The following TANGO6 variants were observed in gnomAD, a reference collection of about 807,000 sequenced individuals.
The protein encoded by TANGO6 is transport and golgi organization 6 homolog, also known as transport and Golgi organization protein 6 homolog.
In TANGO6, 90 loss-of-function variants were observed where a neutral mutation model predicts 114.2. The observed-to-expected ratio is 0.79, with a 90% CI of 0.66 to 0.94. The LOEUF is 0.94. Ranked by LOEUF, TANGO6 falls within the 40% of genes least tolerant of loss-of-function variation. The pLI, the probability that TANGO6 is intolerant of heterozygous loss-of-function variation, is 0.00. For synonymous variants in TANGO6, 477 were observed against 509.8 expected (o/e 0.94, Z 0.87); for missense variants, 1,274 against 1,315.3 (o/e 0.97, Z 0.49).
At chr16:68,896,623 G>T (rs949469209) in intron 7 of TANGO6, among the ~76,000 whole-genome samples, 2 of 152,092 alleles carry the variant, frequency 1.3e-5, no homozygotes, top group African/African-American at 4.8e-5. Flanking sequence ...ACTTGTAAAG[G>T]TTACATGTAC....
chr16:68,956,724 G>A (rs1963533094), intron 14 of TANGO6, among the ~76,000 whole-genome samples: 1 of 151,908 alleles, frequency 6.6e-6, no homozygotes, highest in African/African-American at 2.4e-5. Flanking sequence ...ATGGTGGCAG[G>A]CACCTGTAAT....
chr16:69,015,788 C>T (rs896743591), intron 15 of TANGO6, among the ~76,000 whole-genome samples: 2 of 152,050 alleles, frequency 1.3e-5, no homozygotes, highest in Non-Finnish European at 2.9e-5. Flanking sequence ...CCAATGGATG[C>T]TCATTTTCAA....
chr16:68,918,374 C>T (rs1323511937), intron 11 of TANGO6, among the ~76,000 whole-genome samples: 2 of 152,170 alleles, frequency 1.3e-5, no homozygotes, highest in African/African-American at 4.8e-5. Flanking sequence ...TGAAGTCCAG[C>T]TTATCATTAC....
At chr16:68,903,537 T>A (rs1240524232) in intron 9 of TANGO6, among the ~76,000 whole-genome samples, 2 of 144,112 alleles carry the variant, frequency 1.4e-5, no homozygotes, top group Admixed American at 7.3e-5. Context: ...AAGAATTGCT[T>A]GAATCAGGAG....
chr16:68,908,412 C>T (rs768839516), intron 10 of TANGO6, among the ~76,000 whole-genome samples: 3 of 152,146 alleles, frequency 2.0e-5, no homozygotes, highest in African/African-American at 4.8e-5. Flanking sequence ...AGGTGGCTCA[C>T]GCCTGTAATC....
At position 68,919,238 on chromosome 16, in the gene TANGO6, G is replaced by A; in HGVS notation, c.2127+19G>A. ...TGTTCAGGTGAGTTGTAGACATGAG[G>A]CAAGCTTGAATGGAGGGAAGGGAGA... On this transcript the variant is annotated intron_variant, in intron 12 of 17. Coordinates refer to ENST00000261778, the MANE Select transcript of TANGO6 (RefSeq NM_024562.2). 1 of 1,609,934 alleles carries A rather than the reference G, an allele frequency of 6.2e-7. No homozygotes were observed. The highest frequency in any genetic ancestry group is 8.5e-7 in the Non-Finnish European group (1 of 1,178,310).
At chr16:68,969,137 A>G (rs1014902593) in intron 14 of TANGO6, among the ~76,000 whole-genome samples, 2 of 152,166 alleles carry the variant, frequency 1.3e-5, no homozygotes, top group African/African-American at 4.8e-5. Context: ...TCCTACGGTC[A>G]GAGCAGAAAG....
Position 68,843,547 on chromosome 16 carries a change from C to A in TANGO6, c.-71C>A. On this transcript the variant is annotated 5_prime_UTR_variant, in exon 1 of 18. Transcript: ENST00000261778. ...AGTGTGCCCAGAGCCTTCTGCCACA[C>A]TTAACATGGCGGCGGCGGCGCCCTG... is the stretch of plus-strand genomic sequence containing the variant. The A allele has an allele frequency of 6.7e-7, 1 of 1,489,704 alleles. No individual in the cohort carries two copies. Among genetic ancestry groups the A allele is most frequent in the East Asian group, 2.3e-5 (1 of 43,774 alleles). 92.3% of individuals were successfully genotyped at this position (1,489,704 alleles called of 1,614,324 possible). A position where few individuals can be genotyped will look rare whatever the true frequency, so the allele number is the denominator to read the frequency against.
intron 14 of TANGO6, among the ~76,000 whole-genome samples, chr16:68,945,146 CAAA>C (rs1963400986): frequency 6.6e-6 from 1 of 151,654 alleles, no homozygotes; most frequent in South Asian, 2.1e-4. Flanking sequence ...GTCTCAAAAA[CAAA>C]AAAGAAGAAG....
intron 2 of TANGO6, among the ~76,000 whole-genome samples, 189 bp from the exon 3 acceptor site, chr16:68,862,756 G>A (rs1338330379): frequency 6.6e-6 from 1 of 152,168 alleles, no homozygotes; most frequent in African/African-American, 2.4e-5. Context: ...GAAGTGGAGT[G>A]AGCGAGATGG....
intron 14 of TANGO6, among the ~76,000 whole-genome samples, chr16:68,959,308 G>T (rs558344600): frequency 6.6e-6 from 1 of 152,252 alleles, no homozygotes; most frequent in Non-Finnish European, 1.5e-5. Context: ...GAAAAAATGG[G>T]CCGAGTGCGG....
At chr16:68,955,072 C>G (rs1256292205) in intron 14 of TANGO6, among the ~76,000 whole-genome samples, 1 of 152,136 alleles carries the variant, frequency 6.6e-6, no homozygotes, top group African/African-American at 2.4e-5. Context: ...TGTAGTACCC[C>G]CCGTTGACCT....
At chr16:68,934,991 T>A (rs994160424) in intron 14 of TANGO6, among the ~76,000 whole-genome samples, 2 of 152,236 alleles carry the variant, frequency 1.3e-5, no homozygotes, top group Admixed American at 1.3e-4. Flanking sequence ...GTAATTTCTG[T>A]TCTCAGCTCC....
intron 9 of TANGO6, among the ~76,000 whole-genome samples, chr16:68,904,656 C>T (rs1567536181): frequency 6.6e-6 from 1 of 152,132 alleles, no homozygotes; most frequent in Non-Finnish European, 1.5e-5. Flanking sequence ...TGAAATAACA[C>T]ATATTCTTTG....
rs552117576 is a variant in TANGO6 at position 68,929,600 on chromosome 16, C to T, written c.2644-638C>T. ...CACTTCCGTCTTCCTTTCTCTGGCT[C>T]TCATGTTGGGGCCTAAACCTAACAT... On this transcript the variant is annotated intron_variant, in intron 13 of 17. Coordinates refer to ENST00000261778, the MANE Select transcript of TANGO6 (RefSeq NM_024562.2). Among the ~76,000 whole-genome samples the T allele has an allele frequency of 1.4e-3, 212 of 152,284 alleles. 1 individual carries two copies. The highest frequency in any genetic ancestry group is 4.8e-3 in the African/African-American group (201 of 41,560).
In TANGO6 at chr16:69,027,755, G is replaced by T. The variant is rs35214152; in HGVS notation, c.2994+4776G>T. Among the ~76,000 whole-genome samples the T allele has an allele frequency of 6.4e-3, 962 of 149,990 alleles. 3 individuals are homozygous for T. Among genetic ancestry groups the T allele is most frequent in the Non-Finnish European group, 1.0e-2 (675 of 67,772 alleles). ...TGTAAACTGTGTACTAAAACAAGTT[G>T]CTGGTCCATGATCTGAACCAAACCC... On this transcript the variant is annotated intron_variant, in intron 16 of 17. Transcript: ENST00000261778.
At chr16:68,988,807 C>T (rs1226787089) in intron 15 of TANGO6, among the ~76,000 whole-genome samples, 1 of 151,262 alleles carries the variant, frequency 6.6e-6, no homozygotes. Context: ...TCAAGTGGTC[C>T]TCCCACCCAG....
chr16:68,977,988 G>A (rs1963781825), intron 15 of TANGO6, among the ~76,000 whole-genome samples: 2 of 152,068 alleles, frequency 1.3e-5, no homozygotes, highest in Non-Finnish European at 2.9e-5. Flanking sequence ...ACCCAGCTGA[G>A]AGTGAAATTT....
At chr16:68,876,610 C>T (rs1962365009) in intron 5 of TANGO6, among the ~76,000 whole-genome samples, 1 of 151,778 alleles carries the variant, frequency 6.6e-6, no homozygotes, top group Admixed American at 6.6e-5. Flanking sequence ...TACTTGAGGT[C>T]AGGAGTTCGA....
Sources: gnomAD v4.1 joint callset for allele counts (sites outside exome capture counted in the v4.1 genomes callset) on GRCh38, gnomAD v4.1.1 for gene constraint, MANE v1.5 for transcripts, NCBI Gene and HGNC (gene_info 2026-07-23, HGNC 2026-07-21) for gene names.